The following CYP7B1 variants were observed in gnomAD, a reference collection of about 807,000 sequenced individuals.
CYP7B1 encodes cytochrome P450 family 7 subfamily B member 1.
CYP7B1 carries 29 observed loss-of-function variants against 42.7 expected under a neutral mutation model. The observed-to-expected ratio is 0.68, with a 90% CI of 0.51 to 0.93. The LOEUF is 0.93. CYP7B1 is among the 40% of genes least tolerant of loss of function. The pLI is 0.00. For synonymous variants in CYP7B1, 235 were observed against 218.2 expected (o/e 1.08, Z -0.68); for missense variants, 655 against 600.5 (o/e 1.09, Z -0.95).
chr8:64,792,364 T>C (rs1217791917), intron 1 of CYP7B1, among the ~76,000 whole-genome samples: 2 of 152,190 alleles, frequency 1.3e-5, no homozygotes, highest in African/African-American at 4.8e-5. Context: ...AAGGCACTAA[T>C]ATTAGGAGAT....
chr8:64,640,603 A>T (rs1325672222), intron 1 of CYP7B1, among the ~76,000 whole-genome samples: 1 of 152,156 alleles, frequency 6.6e-6, no homozygotes, highest in Non-Finnish European at 1.5e-5. Context: ...TAAATAGAAC[A>T]GGGTCCTGAA....
At chr8:64,772,566 G>A (rs1384507878) in intron 1 of CYP7B1, among the ~76,000 whole-genome samples, 5 of 152,100 alleles carry the variant, frequency 3.3e-5, no homozygotes, top group African/African-American at 1.2e-4. Flanking sequence ...GTAATCATGT[G>A]AGCCAATTTC....
chr8:64,796,591 T>C (rs1804705755), intron 1 of CYP7B1, among the ~76,000 whole-genome samples: 3 of 152,224 alleles, frequency 2.0e-5, no homozygotes, highest in African/African-American at 7.2e-5. Context: ...TACATTTTGA[T>C]AACAACTCCA....
intron 1 of CYP7B1, 127 bp downstream of exon 1, chr8:64,798,339 A>C (rs1351782808): frequency 7.5e-7 from 1 of 1,325,154 alleles, no homozygotes. Context: ...AAAGGAAGCC[A>C]GTACCCCGCA....
Position 64,798,475 on chromosome 8 carries a change from C to T in CYP7B1, c.113G>A (p.Arg38Gln). 1.3e-6 allele frequency: 2 copies of T among 1,512,432 alleles called. 1 individual carries two copies. The highest frequency in any genetic ancestry group is 4.4e-4 in the Middle Eastern group (2 of 4,520). The allele number at this position is 1,512,432 out of a possible 1,614,324, so 93.7% of individuals were successfully genotyped here. A position where few individuals can be genotyped will look rare whatever the true frequency, so the allele number is the denominator to read the frequency against. ...CGGCCGAGGCGCTTACCTGGTGCGC[C>T]GGACAAGCAAGCAGAGGGCCAGGAG... ...LLLLALCLLV[R>Q]RTRRPGEPPL... The change falls in exon 1 of 6, where the codon CGG becomes CAG. Residue 38 changes from arginine to glutamine, a missense_variant. By Grantham distance (43) the Arg-to-Gln change is conservative (BLOSUM62 1). Transcript: ENST00000310193.
intron 1 of CYP7B1, among the ~76,000 whole-genome samples, chr8:64,683,145 A>G (rs1462711963): frequency 6.6e-6 from 1 of 152,136 alleles, no homozygotes; most frequent in Non-Finnish European, 1.5e-5. Flanking sequence ...CGCTTCCCCC[A>G]TTAACAGTGT....
chr8:64,697,566 G>A (rs1806848131), intron 1 of CYP7B1, among the ~76,000 whole-genome samples: 1 of 152,218 alleles, frequency 6.6e-6, no homozygotes, highest in Non-Finnish European at 1.5e-5. Context: ...CTCACCTGGA[G>A]GGAGGAGGGC....
chr8:64,600,696 T>A (rs1358011358), intron 5 of CYP7B1, among the ~76,000 whole-genome samples: 1 of 152,094 alleles, frequency 6.6e-6, no homozygotes, highest in African/African-American at 2.4e-5. Flanking sequence ...GGTCTTCACA[T>A]TAGTAACATG....
chr8:64,659,218 T>G (rs780123611), intron 1 of CYP7B1, among the ~76,000 whole-genome samples: 1 of 152,134 alleles, frequency 6.6e-6, no homozygotes, highest in African/African-American at 2.4e-5. Context: ...TTAAAAACCA[T>G]GCAAAGTAAT....
At chr8:64,633,578 A>G (rs574225103) in intron 1 of CYP7B1, among the ~76,000 whole-genome samples, 1 of 152,358 alleles carries the variant, frequency 6.6e-6, no homozygotes, top group African/African-American at 2.4e-5. Flanking sequence ...CAAAATATGT[A>G]TAAAATCTAT....
chr8:64,615,128 G>C lies in CYP7B1; in HGVS notation c.955C>G (p.Arg319Gly), dbSNP rs1410531135. The C allele has an allele frequency of 6.2e-7, 1 of 1,613,588 alleles. No homozygotes were observed. The highest frequency in any genetic ancestry group is 1.7e-5 in the Admixed American group (1 of 59,918). The change falls in exon 4 of 6, where the codon CGT (arginine) becomes GGT (glycine). Residue 319 changes from arginine (R) to glycine (G), a missense_variant. Physicochemically the swap from Arg to Gly is moderately radical, Grantham distance 125. Coordinates refer to ENST00000310193, the MANE Select transcript of CYP7B1 (RefSeq NM_004820.5). ...LRHPEAMAAV[R>G]DEIDRLLQST... Reference sequence around the variant, plus strand: ...TGCAGCAAACGGTCAATTTCGTCACGCACTGCTGCCATAGCTTCTGGGTGC... The same window carrying C: ...TGCAGCAAACGGTCAATTTCGTCACCCACTGCTGCCATAGCTTCTGGGTGC...
At chr8:64,765,414 T>C (rs1807957092) in intron 1 of CYP7B1, among the ~76,000 whole-genome samples, 1 of 152,162 alleles carries the variant, frequency 6.6e-6, no homozygotes, top group Non-Finnish European at 1.5e-5. Context: ...GCATAAGAAC[T>C]GTTGTTTATG....
intron 1 of CYP7B1, among the ~76,000 whole-genome samples, chr8:64,685,384 G>A (rs1295741766): frequency 2.3e-4 from 26 of 114,358 alleles, no homozygotes; most frequent in Middle Eastern, 4.0e-3. Context: ...AGTGAGGAGC[G>A]TCTCCGCCCG....
At chr8:64,662,417 G>A (rs1222215913) in intron 1 of CYP7B1, among the ~76,000 whole-genome samples, 1 of 152,146 alleles carries the variant, frequency 6.6e-6, no homozygotes, top group African/African-American at 2.4e-5. Context: ...AGTGCTAAAT[G>A]CTTTCCATGA....
intron 4 of CYP7B1, among the ~76,000 whole-genome samples, chr8:64,612,798 T>A (rs1394433546): frequency 1.3e-5 from 2 of 152,126 alleles, no homozygotes; most frequent in African/African-American, 4.8e-5. Context: ...TACATAGAAC[T>A]CTTTCCTTAA....
intron 1 of CYP7B1, among the ~76,000 whole-genome samples, chr8:64,758,714 G>T (rs567922501): frequency 6.6e-6 from 1 of 152,254 alleles, no homozygotes; most frequent in South Asian, 2.1e-4. Context: ...TCTATCTTAA[G>T]ATGTTACATC....
chr8:64,734,169 C>T (rs566542982), intron 1 of CYP7B1, among the ~76,000 whole-genome samples: 1 of 152,236 alleles, frequency 6.6e-6, no homozygotes, highest in Non-Finnish European at 1.5e-5. Flanking sequence ...ACATTCAATT[C>T]TTATAACTAA....
chr8:64,590,656 A>C (rs1443372281), downstream of CYP7B1, among the ~76,000 whole-genome samples: 1 of 152,194 alleles, frequency 6.6e-6, no homozygotes, highest in Non-Finnish European at 1.5e-5. Context: ...AATATATTGA[A>C]ACATACTCTG....
chr8:64,790,047 G>T (rs2129718461), intron 1 of CYP7B1, among the ~76,000 whole-genome samples: 1 of 152,218 alleles, frequency 6.6e-6, no homozygotes, highest in Admixed American at 6.5e-5. Flanking sequence ...AGTCACATTT[G>T]TCAACTACAA....
Sources: allele counts gnomAD v4.1 joint callset (sites outside exome capture counted in the v4.1 genomes callset), GRCh38; gene constraint gnomAD v4.1.1; transcripts MANE v1.5; gene names NCBI Gene and HGNC (gene_info 2026-07-23, HGNC 2026-07-21).